The following SLC1A3 variants were observed in gnomAD, a reference collection of about 807,000 sequenced individuals.
SLC1A3 encodes excitatory amino acid transporter 1.
Under a neutral mutation model 48.1 loss-of-function variants are expected in SLC1A3, and 21 were observed. That is an observed-to-expected ratio of 0.44 (90% CI 0.31 to 0.63). The LOEUF (loss-of-function observed/expected upper bound fraction) is 0.63. SLC1A3 is among the 20% of genes least tolerant of loss of function. The pLI is 0.08. For synonymous variants in SLC1A3, 239 were observed against 251.4 expected, an observed-to-expected ratio of 0.95 and a Z score of 0.47; for missense variants, 546 against 689.0, an observed-to-expected ratio of 0.79 and a Z score of 2.32.
chr5:36,655,250 C>T (rs184220950), intron 3 of SLC1A3, among the ~76,000 whole-genome samples: 3 of 152,198 alleles, frequency 2.0e-5, no homozygotes, highest in Non-Finnish European at 2.9e-5. Context: ...GCTTCTTTGC[C>T]GGAGAGTATC....
intron 8 of SLC1A3, among the ~76,000 whole-genome samples, chr5:36,682,894 G>A (rs1424820313): frequency 1.3e-5 from 2 of 152,202 alleles, no homozygotes; most frequent in African/African-American, 4.8e-5. Flanking sequence ...CCAGTATGGG[G>A]ACCATGAATA....
At chr5:36,604,339 G>GAAAAAA (rs5867330), upstream of SLC1A3, among the ~76,000 whole-genome samples, 3 of 150,396 alleles carry the variant, frequency 2.0e-5, no homozygotes, top group African/African-American at 7.3e-5. Flanking sequence ...TTTCTAGAAG[G>GAAAAAA]AAAAAAAAAG....
In SLC1A3 at chr5:36,686,159, G is replaced by A; in HGVS notation, c.1519G>A (p.Val507Ile). 1 of 1,613,920 alleles carries A rather than the reference G, an allele frequency of 6.2e-7. No homozygotes were observed. The highest frequency in any genetic ancestry group is 8.5e-7 in the Non-Finnish European group (1 of 1,179,790). The change falls in exon 10 of 10, where the codon GTT becomes ATT. Residue 507 changes from valine to isoleucine, a missense_variant. Val to Ile is a conservative substitution (Grantham distance 29, BLOSUM62 3). Around this residue, in one of 3 missense-constraint regions of SLC1A3, gnomAD observed 56 missense variants for 59.0 expected, o/e 0.95. Coordinates refer to ENST00000265113, the MANE Select transcript of SLC1A3 (RefSeq NM_004172.5). ...LSRHELKNRD[V>I]EMGNSVIEEN... ...ACGACATGAACTGAAGAACAGAGAT[G>A]TTGAAATGGGTAACTCAGTGATTGA... is the stretch of plus-strand genomic sequence containing the variant.
intron 3 of SLC1A3, among the ~76,000 whole-genome samples, chr5:36,657,952 C>T (rs973559681): frequency 1.3e-5 from 2 of 152,186 alleles, no homozygotes; most frequent in Non-Finnish European, 2.9e-5. Context: ...TTTGACAAAG[C>T]AGAGTAGCTA....
chr5:36,638,636 C>T (rs757401252), intron 3 of SLC1A3, among the ~76,000 whole-genome samples: 1 of 152,100 alleles, frequency 6.6e-6, no homozygotes, highest in Non-Finnish European at 1.5e-5. Context: ...CAAAGTTCAT[C>T]CTGCCTGAGA....
At chr5:36,681,599 C>T (rs1196323417) in intron 8 of SLC1A3, among the ~76,000 whole-genome samples, 2 of 152,182 alleles carry the variant, frequency 1.3e-5, no homozygotes, top group Admixed American at 6.5e-5. Context: ...ACCTTCCCCC[C>T]ATCTCTTAGT....
intron 1 of SLC1A3, among the ~76,000 whole-genome samples, chr5:36,607,852 A>T (rs1034701455): frequency 7.9e-5 from 12 of 152,224 alleles, no homozygotes; most frequent in Non-Finnish European, 1.0e-4. Context: ...ACTGCATGTA[A>T]CAGAGACAAC....
chr5:36,678,069 T>C (rs1437800326), intron 6 of SLC1A3, among the ~76,000 whole-genome samples: 1 of 152,246 alleles, frequency 6.6e-6, no homozygotes, highest in African/African-American at 2.4e-5. Flanking sequence ...AACGCTTTGA[T>C]TGACCTAGGC....
At chr5:36,643,181 A>G (rs1163772036) in intron 3 of SLC1A3, among the ~76,000 whole-genome samples, 1 of 152,220 alleles carries the variant, frequency 6.6e-6, no homozygotes, top group African/African-American at 2.4e-5. Flanking sequence ...ACTTAGGAAT[A>G]GAATTGCTGG....
chr5:36,682,974 C>T (rs560391068), intron 8 of SLC1A3, among the ~76,000 whole-genome samples: 5 of 152,248 alleles, frequency 3.3e-5, no homozygotes, highest in Admixed American at 6.5e-5. Context: ...ATTTATAAAA[C>T]ATTTGCTTTG....
intron 3 of SLC1A3, among the ~76,000 whole-genome samples, chr5:36,655,706 C>T (rs149211812): frequency 6.6e-6 from 1 of 152,320 alleles, no homozygotes; most frequent in Non-Finnish European, 1.5e-5. Context: ...CCTAGCCTCA[C>T]CACTAACTAG....
chr5:36,679,497 C>G (rs1487152794), intron 6 of SLC1A3, 130 bp from the exon 7 acceptor site: 1 of 748,784 alleles, frequency 1.3e-6, no homozygotes, highest in East Asian at 2.5e-5. Flanking sequence ...TTCTGTAAGT[C>G]CTAATGGTAT....
intron 3 of SLC1A3, among the ~76,000 whole-genome samples, chr5:36,641,860 T>C (rs781623129): frequency 2.0e-5 from 3 of 152,208 alleles, no homozygotes; most frequent in African/African-American, 4.8e-5. Flanking sequence ...ATGTGAAATA[T>C]AACTCCTATG....
intron 3 of SLC1A3, chr5:36,669,767 A>G (rs1392335057): frequency 6.6e-6 from 1 of 152,138 alleles, no homozygotes; most frequent in Non-Finnish European, 1.5e-5. Flanking sequence ...TTATCTGGCA[A>G]TCGTAGACAC....
chr5:36,660,486 G>A (rs566781498), intron 3 of SLC1A3, among the ~76,000 whole-genome samples: 1 of 152,334 alleles, frequency 6.6e-6, no homozygotes, highest in Non-Finnish European at 1.5e-5. Flanking sequence ...CTACAAAAGT[G>A]TTATGCCACT....
At chr5:36,633,061 G>A (rs920352099) in intron 3 of SLC1A3, among the ~76,000 whole-genome samples, 3 of 152,282 alleles carry the variant, frequency 2.0e-5, no homozygotes, top group African/African-American at 4.8e-5. Flanking sequence ...AGTTTCTATC[G>A]ATTTGGTCAG....
At chr5:36,647,914 A>G (rs1196564412) in intron 3 of SLC1A3, among the ~76,000 whole-genome samples, 2 of 152,126 alleles carry the variant, frequency 1.3e-5, no homozygotes, top group East Asian at 3.8e-4. Flanking sequence ...TTGTTTGTTT[A>G]TTGTTTTTAA....
intron 2 of SLC1A3, among the ~76,000 whole-genome samples, chr5:36,623,514 A>T (rs2111729635): frequency 6.6e-6 from 1 of 152,194 alleles, no homozygotes; most frequent in East Asian, 1.9e-4. Flanking sequence ...ATAAGTGACC[A>T]CTAATGAAGC....
At chr5:36,663,083 G>T (rs1367895926) in intron 3 of SLC1A3, among the ~76,000 whole-genome samples, 1 of 152,196 alleles carries the variant, frequency 6.6e-6, no homozygotes, top group Non-Finnish European at 1.5e-5. Context: ...ATCAGACCGA[G>T]GATACAGTGA....
Sources: gnomAD v4.1 joint callset for allele counts (sites outside exome capture counted in the v4.1 genomes callset) on GRCh38, gnomAD v4.1.1 for gene constraint, gnomAD v4.1.1 regional missense constraint, MANE v1.5 for transcripts, NCBI Gene and HGNC (gene_info 2026-07-23, HGNC 2026-07-21) for gene names.